The following GRID2 variants were observed in gnomAD, a reference collection of about 807,000 sequenced individuals.
GRID2 encodes glutamate receptor ionotropic, delta-2.
GRID2 carries 33 observed loss-of-function variants against 114.8 expected under a neutral mutation model. The observed-to-expected ratio is 0.29, with a 90% CI of 0.22 to 0.38. The LOEUF is 0.38. Ranked by LOEUF, GRID2 falls within the 10% of genes least tolerant of loss-of-function variation. The pLI is 1.00. For synonymous variants in GRID2, 505 were observed against 449.9 expected (o/e 1.12, Z -1.55); for missense variants, 1,184 against 1,257.7 (o/e 0.94, Z 0.89).
At chr4:92,945,302 C>A (rs566102070) in intron 2 of GRID2, among the ~76,000 whole-genome samples, 176 of 152,112 alleles carry the variant, frequency 1.2e-3, no homozygotes, top group Middle Eastern at 3.4e-3. Context: ...GTTTTAAAGT[C>A]ATTGTTCTAT....
chr4:93,302,164 A>G (rs1336220663), intron 8 of GRID2, among the ~76,000 whole-genome samples: 2 of 152,174 alleles, frequency 1.3e-5, no homozygotes, highest in Admixed American at 6.5e-5. Flanking sequence ...TTCTTTAACC[A>G]TCAGATTTTT....
At chr4:92,589,478 G>A (rs1435135651) in intron 1 of GRID2, among the ~76,000 whole-genome samples, 2 of 152,134 alleles carry the variant, frequency 1.3e-5, no homozygotes, top group African/African-American at 4.8e-5. Context: ...TTAGCACAGT[G>A]TTTATCATCA....
chr4:92,365,071 G>A (rs1266339456), intron 1 of GRID2, among the ~76,000 whole-genome samples: 6 of 151,960 alleles, frequency 3.9e-5, no homozygotes, highest in Non-Finnish European at 8.8e-5. Flanking sequence ...GGCAATTATG[G>A]AAAATGGAGG....
chr4:92,422,750 A>G (rs960623457), intron 1 of GRID2, among the ~76,000 whole-genome samples: 3 of 152,162 alleles, frequency 2.0e-5, no homozygotes, highest in Non-Finnish European at 4.4e-5. Flanking sequence ...CTCCAGCTGC[A>G]TTACTCCTAA....
At chr4:92,400,363 G>C (rs1730728358) in intron 1 of GRID2, among the ~76,000 whole-genome samples, 1 of 152,078 alleles carries the variant, frequency 6.6e-6, no homozygotes, top group African/African-American at 2.4e-5. Context: ...TGCAATATGT[G>C]GCCTTTTGTC....
intron 8 of GRID2, chr4:93,282,369 T>A (rs1752738494): frequency 4.5e-6 from 2 of 447,828 alleles, no homozygotes; most frequent in African/African-American, 4.0e-5. Flanking sequence ...TAACTTTATT[T>A]ATTGTAGTTC....
intron 1 of GRID2, among the ~76,000 whole-genome samples, chr4:92,522,371 C>T (rs151182047): frequency 2.0e-5 from 3 of 151,810 alleles, no homozygotes; most frequent in Non-Finnish European, 2.9e-5. Context: ...CGATGCAGGG[C>T]GTTATAAGCC....
At chr4:92,794,368 A>G (rs537978346) in intron 2 of GRID2, among the ~76,000 whole-genome samples, 43 of 151,810 alleles carry the variant, frequency 2.8e-4, no homozygotes, top group Non-Finnish European at 4.9e-4. Flanking sequence ...CCATATATAT[A>G]TGTGTGTATA....
intron 1 of GRID2, among the ~76,000 whole-genome samples, chr4:92,447,679 G>C (rs1489951689): frequency 6.6e-6 from 1 of 152,188 alleles, no homozygotes; most frequent in Non-Finnish European, 1.5e-5. Flanking sequence ...AAATCACAGT[G>C]CTTGCAGATT....
At chr4:93,094,153 A>T (rs957605021) in intron 3 of GRID2, among the ~76,000 whole-genome samples, 1 of 151,956 alleles carries the variant, frequency 6.6e-6, no homozygotes, top group Non-Finnish European at 1.5e-5. Context: ...TTGCTTCAGG[A>T]AAAAAAGGGT....
At chr4:93,783,880 G>A (rs1405802634) in intron 1 of GRID2, among the ~76,000 whole-genome samples, 7 of 151,222 alleles carry the variant, frequency 4.6e-5, no homozygotes, top group Admixed American at 4.6e-4. Flanking sequence ...AGACCATCCC[G>A]GCTAAAACGG....
intron 1 of GRID2, among the ~76,000 whole-genome samples, chr4:92,499,981 G>A (rs191611590): frequency 2.4e-4 from 37 of 152,228 alleles, no homozygotes; most frequent in Middle Eastern, 6.8e-3. Context: ...TTTAAATTCA[G>A]GATTATAGGA....
At chr4:93,716,049 C>T (rs1037650926) in intron 14 of GRID2, among the ~76,000 whole-genome samples, 2 of 152,008 alleles carry the variant, frequency 1.3e-5, no homozygotes, top group Non-Finnish European at 2.9e-5. Context: ...CATTCAGTAT[C>T]ATATTGATAC....
chr4:92,485,301 CATATATATATAT>C (rs34583484), intron 1 of GRID2, among the ~76,000 whole-genome samples: 850 of 56,526 alleles, frequency 0.015, 27 homozygotes, highest in East Asian at 0.098. Flanking sequence ...AAGGTGTGTG[CATATATATATAT>C]ATATATATAT....
At chr4:93,593,208 A>G (rs966408038) in intron 13 of GRID2, among the ~76,000 whole-genome samples, 4 of 146,710 alleles carry the variant, frequency 2.7e-5, no homozygotes, top group African/African-American at 9.9e-5. Context: ...GTTCCTTTCC[A>G]TGTTTAGCGC....
chr4:92,331,417 C>A lies in GRID2; in HGVS notation c.88+26673C>A, dbSNP rs563617808. ...CTGTCTTCTAGTATTTGTGTTACCC[C>A]AGAAGGAAAAGAATTTGCCTTACAT... On this transcript the variant is annotated intron_variant, in intron 1 of 15. Transcript: ENST00000282020. Among the ~76,000 whole-genome samples the A allele has an allele frequency of 1.1e-4, 16 of 152,230 alleles. No individual in the cohort carries two copies. The East Asian group carries it at 2.7e-3, about 26-fold the overall frequency.
intron 2 of GRID2, among the ~76,000 whole-genome samples, chr4:92,671,291 C>T (rs1055195698): frequency 1.3e-5 from 2 of 151,992 alleles, no homozygotes; most frequent in Non-Finnish European, 2.9e-5. Flanking sequence ...GGGGAAATCC[C>T]ATGATCCAAA....
rs146553686 is a variant in GRID2, at chr4:93,697,070, G to C, written c.2360+70635G>C. On this transcript the variant is annotated intron_variant, in intron 14 of 15. Transcript: ENST00000282020. ...GTAAAATCAAAGACATGTATCTTAA[G>C]ATTATTCAATGGTTTTACAAATATT... Among the ~76,000 whole-genome samples the C allele has an allele frequency of 3.4e-3, 517 of 152,204 alleles. 1 individual carries two copies. Among genetic ancestry groups the C allele is most frequent in the African/African-American group, 8.1e-3 (336 of 41,546 alleles).
chr4:92,441,178 T>A (rs1579365838), intron 1 of GRID2, among the ~76,000 whole-genome samples: 1 of 151,542 alleles, frequency 6.6e-6, no homozygotes, highest in South Asian at 2.1e-4. Flanking sequence ...AGGAAAGGAG[T>A]TGTTGTTTTA....
Sources: allele counts gnomAD v4.1 joint callset (sites outside exome capture counted in the v4.1 genomes callset), GRCh38; gene constraint gnomAD v4.1.1; transcripts MANE v1.5; gene names NCBI Gene and HGNC (gene_info 2026-07-23, HGNC 2026-07-21).